BCR: variants seen among roughly 807,000 people sequenced by gnomAD.
BCR encodes breakpoint cluster region protein.
Under a neutral mutation model 138.6 loss-of-function variants are expected in BCR, and 58 were observed. That is an observed-to-expected ratio of 0.42 (90% CI 0.34 to 0.52). BCR has a LOEUF of 0.52. BCR is among the 20% of genes least tolerant of loss of function. The pLI is 0.06. For missense variants in BCR, 1,599 were observed against 1,727.2 expected, an observed-to-expected ratio of 0.93 and a Z score of 1.32; for synonymous variants, 786 against 730.1, an observed-to-expected ratio of 1.08 and a Z score of -1.23.
At chr22:23,263,798 G>T in intron 4 of BCR, 1 of 1,356,122 alleles carries the variant, frequency 7.4e-7, no homozygotes, top group South Asian at 1.2e-5. Context: ...CGGCCAAGGT[G>T]TGGCCTTTGG....
chr22:23,300,466 C>T (rs568387477), intron 16 of BCR, among the ~76,000 whole-genome samples: 89 of 152,338 alleles, frequency 5.8e-4, no homozygotes, highest in African/African-American at 2.0e-3. Context: ...TGGGTTCTTT[C>T]CAGTCTGAGG....
At chr22:23,220,862 G>A (rs2072816862) in intron 1 of BCR, among the ~76,000 whole-genome samples, 1 of 152,242 alleles carries the variant, frequency 6.6e-6, no homozygotes, top group Middle Eastern at 3.4e-3. Flanking sequence ...TCATGCCATG[G>A]TTCCCCTTTT....
rs544139391 is a variant in BCR at position 23,234,834 on chromosome 22, C to T, written c.1280-18965C>T. Among the ~76,000 whole-genome samples the T allele has an allele frequency of 2.1e-5, 3 of 144,002 alleles. 1 individual carries two copies. The highest frequency in any genetic ancestry group is 7.3e-5 in the African/African-American group (3 of 40,908). The allele number at this position is 144,002 out of a possible 152,430, so 94.5% of individuals were successfully genotyped here. A position where few individuals can be genotyped will look rare whatever the true frequency, so the allele number is the denominator to read the frequency against. Reference sequence around the variant, plus strand: ...TGGAGCCGTGGGACCAGGGCCGAACCCGTGTGCTGGACAGTCTTCGGGGCC... The same window carrying T: ...TGGAGCCGTGGGACCAGGGCCGAACTCGTGTGCTGGACAGTCTTCGGGGCC... On this transcript the variant is annotated intron_variant, in intron 1 of 22. Coordinates refer to ENST00000305877, the MANE Select transcript of BCR (RefSeq NM_004327.4).
chr22:23,314,482 C>T (rs1203280300), intron 21 of BCR, 70 bp from the exon 22 acceptor site: 5 of 1,563,138 alleles, frequency 3.2e-6, no homozygotes, highest in Non-Finnish European at 4.4e-6. Context: ...AACTCCAGCA[C>T]AGCCCAGCCC....
intron 1 of BCR, among the ~76,000 whole-genome samples, chr22:23,213,305 T>C (rs2072708901): frequency 6.6e-6 from 1 of 152,192 alleles, no homozygotes; most frequent in Admixed American, 6.5e-5. Context: ...CGTTGCTGAC[T>C]TGTGCTCCTG....
chr22:23,187,786 G>T (rs1440187078), intron 1 of BCR, among the ~76,000 whole-genome samples: 1 of 152,150 alleles, frequency 6.6e-6, no homozygotes, highest in Non-Finnish European at 1.5e-5. Flanking sequence ...TGTTTATGCT[G>T]GGAGGTCTGA....
intron 1 of BCR, among the ~76,000 whole-genome samples, chr22:23,219,010 T>G (rs1302117315): frequency 5.6e-3 from 1 of 180 alleles, no homozygotes; most frequent in Non-Finnish European, 0.013. Context: ...GTTATGGAGC[T>G]GAGAAGGCCT....
chr22:23,290,268 G>A, intron 13 of BCR, 71 bp from the exon 14 acceptor site: 4 of 1,474,456 alleles, frequency 2.7e-6, no homozygotes, highest in Non-Finnish European at 3.8e-6. Flanking sequence ...TGATTTTGAA[G>A]CAGAGTTAGC....
chr22:23,299,567 A>G (rs1297204520), intron 16 of BCR, among the ~76,000 whole-genome samples: 1 of 152,262 alleles, frequency 6.6e-6, no homozygotes, highest in East Asian at 1.9e-4. Flanking sequence ...TGCTGCTGGA[A>G]AGTAAACGTG....
chr22:23,199,994 A>G (rs2072532721), intron 1 of BCR, among the ~76,000 whole-genome samples: 1 of 151,978 alleles, frequency 6.6e-6, no homozygotes. Flanking sequence ...AGGCTGAGGC[A>G]TGAGAATGGC....
chr22:23,292,784 G>A, intron 15 of BCR, 146 bp downstream of exon 15: 5 of 619,362 alleles, frequency 8.1e-6, no homozygotes, highest in South Asian at 2.0e-5. Flanking sequence ...TGGGGGGCCA[G>A]TAGGTGACGT....
chr22:23,271,712 G>A, intron 6 of BCR, 120 bp downstream of exon 6: 1 of 948,968 alleles, frequency 1.1e-6, no homozygotes. Context: ...TGCCTTCCCT[G>A]TTCTCTCTTC....
rs200924902 is a variant in BCR at position 23,187,962 on chromosome 22, T to C, written c.1279+5723T>C. Among the ~76,000 whole-genome samples, 9 of 152,318 alleles carry C rather than the reference T, an allele frequency of 5.9e-5. No homozygotes were observed. In the East Asian group the frequency reaches 9.6e-4, roughly 16 times the overall value. On this transcript the variant is annotated intron_variant, in intron 1 of 22. Coordinates refer to ENST00000305877, the MANE Select transcript of BCR (RefSeq NM_004327.4). ...GCTTAATTTGCCCTTTGAATTCCGG[T>C]GATGAGTTGGCGCCAGAGTGACCAC...
At chr22:23,271,364 C>T (rs1170006123) in intron 5 of BCR, among the ~76,000 whole-genome samples, 168 bp from the exon 6 acceptor site, 2 of 152,228 alleles carry the variant, frequency 1.3e-5, no homozygotes, top group Non-Finnish European at 2.9e-5. Flanking sequence ...CCTGCGTGCT[C>T]GGCTTGCTCG....
intron 1 of BCR, among the ~76,000 whole-genome samples, chr22:23,193,200 G>C (rs953021841): frequency 6.6e-6 from 1 of 152,248 alleles, no homozygotes; most frequent in Non-Finnish European, 1.5e-5. Flanking sequence ...TGCACATGAC[G>C]AGGTATTGAT....
At chr22:23,234,712 C>T (rs1165840305) in intron 1 of BCR, among the ~76,000 whole-genome samples, 1 of 106,282 alleles carries the variant, frequency 9.4e-6, no homozygotes, top group Non-Finnish European at 2.5e-5. Flanking sequence ...CCAGGGGACC[C>T]AGGCTGATCA....
At position 23,310,839 on chromosome 22, in the gene BCR, A is replaced by G. The variant is rs1348745463; in HGVS notation, c.3182+406A>G. Reference sequence around the variant, plus strand: ...CTGAGAATTCATTTGCTTCCCCAGGATGGAATCTGGCTGGGCCTCTGACCT... The same window carrying G: ...CTGAGAATTCATTTGCTTCCCCAGGGTGGAATCTGGCTGGGCCTCTGACCT... On this transcript the variant is annotated intron_variant, in intron 18 of 22. Coordinates refer to ENST00000305877, the MANE Select transcript of BCR (RefSeq NM_004327.4). Among the ~76,000 whole-genome samples, 4 of 151,924 alleles carry G rather than the reference A, an allele frequency of 2.6e-5. No individual in the cohort carries two copies. The East Asian group carries it at 7.8e-4, about 29-fold the overall frequency.
intron 1 of BCR, among the ~76,000 whole-genome samples, chr22:23,200,806 C>T (rs895810948): frequency 2.6e-5 from 4 of 152,284 alleles, no homozygotes; most frequent in Admixed American, 6.5e-5. Context: ...GCGATCCACC[C>T]GCCTTGGCCT....
intron 16 of BCR, among the ~76,000 whole-genome samples, chr22:23,295,608 A>G (rs1014362436): frequency 1.3e-5 from 2 of 152,000 alleles, no homozygotes; most frequent in Non-Finnish European, 2.9e-5. Flanking sequence ...CCCAATTTCT[A>G]GGGTATAGAG....
Sources: gnomAD v4.1 joint callset for allele counts (sites outside exome capture counted in the v4.1 genomes callset) on GRCh38, gnomAD v4.1.1 for gene constraint, MANE v1.5 for transcripts, NCBI Gene and HGNC (gene_info 2026-07-23, HGNC 2026-07-21) for gene names.